Variants in RYR3 observed in about 807,000 individuals in gnomAD.
RYR3 encodes ryanodine receptor 3, also known as brain ryanodine receptor-calcium release channel.
RYR3 carries 207 observed loss-of-function variants against 584.3 expected under a neutral mutation model. That is an observed-to-expected ratio of 0.35 (90% confidence interval 0.32 to 0.40). The LOEUF (loss-of-function observed/expected upper bound fraction) is 0.40. RYR3 is among the 10% of genes least tolerant of loss of function. RYR3 has a pLI of 1.00. For missense variants in RYR3, 5,616 were observed against 6,089.2 expected, an observed-to-expected ratio of 0.92 and a Z score of 2.59; for synonymous variants, 2,416 against 2,248.5, an observed-to-expected ratio of 1.07 and a Z score of -2.11.
chr15:33,654,228 T>C (rs1344633799), intron 32 of RYR3, among the ~76,000 whole-genome samples: 1 of 152,122 alleles, frequency 6.6e-6, no homozygotes, highest in Non-Finnish European at 1.5e-5. Context: ...AAAGCGTTTT[T>C]ACGGGCCAGG....
chr15:33,807,776 C>T, intron 70 of RYR3: 1 of 598,996 alleles, frequency 1.7e-6, no homozygotes, highest in Non-Finnish European at 3.0e-6. Context: ...GCCGGGGAAG[C>T]CAGCCAAGCC....
chr15:33,355,684 A>G (rs1335000415), intron 1 of RYR3, among the ~76,000 whole-genome samples: 3 of 152,152 alleles, frequency 2.0e-5, no homozygotes, highest in Admixed American at 2.0e-4. Context: ...TGTTGCTTCC[A>G]TTGTAGCTGA....
At chr15:33,643,782 T>C (rs2061957229) in intron 27 of RYR3, among the ~76,000 whole-genome samples, 1 of 152,220 alleles carries the variant, frequency 6.6e-6, no homozygotes, top group Non-Finnish European at 1.5e-5. Flanking sequence ...GTATACAACG[T>C]GATGTTATGA....
intron 93 of RYR3, chr15:33,847,350 G>T (rs537145386): frequency 3.7e-4 from 56 of 152,278 alleles, no homozygotes; most frequent in African/African-American, 1.2e-3. Context: ...AAGCGATGTG[G>T]GGTACATGCA....
In RYR3 at chr15:33,860,629, C is replaced by G. The variant is rs1400302643; in HGVS notation, c.14334C>G (p.Asp4778Glu). Residue 4778 changes from aspartate to glutamate, a missense_variant, in exon 101 of 104, where the codon GAC becomes GAG. Physicochemically the swap from Asp to Glu is conservative, Grantham distance 45 (BLOSUM62 2). Transcript: ENST00000634891. ...TTGATGCTTTCGGAGAGCTAAGAGA[C>G]CAGCAGGAACAAGTACGAGAAGATA... ...LIIDAFGELR[D>E]QQEQVREDME... is the part of the protein sequence containing the mutation. 3 of 1,594,458 alleles carry G rather than the reference C, an allele frequency of 1.9e-6. No individual in the cohort carries two copies.
chr15:33,771,397 G>A (rs971538228), intron 62 of RYR3, among the ~76,000 whole-genome samples: 9 of 151,860 alleles, frequency 5.9e-5, no homozygotes, highest in Non-Finnish European at 1.2e-4. Context: ...AGCTGGGCGT[G>A]GTGGCGGGTG....
intron 1 of RYR3, among the ~76,000 whole-genome samples, chr15:33,466,615 A>G (rs1017710282): frequency 6.6e-6 from 1 of 152,214 alleles, no homozygotes; most frequent in African/African-American, 2.4e-5. Flanking sequence ...TTCTCCTTCA[A>G]TCTGTTAACC....
chr15:33,610,033 A>C (rs999490855), intron 18 of RYR3, among the ~76,000 whole-genome samples: 1 of 152,184 alleles, frequency 6.6e-6, no homozygotes, highest in African/African-American at 2.4e-5. Context: ...AGTTATAAAA[A>C]CAGAGTCTAA....
chr15:33,642,706 C>T (rs1039584102), intron 27 of RYR3, among the ~76,000 whole-genome samples: 20 of 152,204 alleles, frequency 1.3e-4, no homozygotes, highest in African/African-American at 4.8e-4. Context: ...ATGGTTTCAT[C>T]CATCGCAGCC....
intron 48 of RYR3, among the ~76,000 whole-genome samples, chr15:33,732,537 C>T (rs556211097): frequency 6.6e-6 from 1 of 152,244 alleles, no homozygotes; most frequent in East Asian, 1.9e-4. Flanking sequence ...AAGGTAAAGT[C>T]ACCCCAAGAG....
intron 53 of RYR3, 93 bp downstream of exon 53, chr15:33,746,250 C>T (rs1054153285): frequency 4.0e-5 from 35 of 868,312 alleles, no homozygotes; most frequent in East Asian, 3.2e-4. Flanking sequence ...TTCACTCTCA[C>T]GTCCCTACAA....
At chr15:33,665,182 A>G (rs1336477058) in intron 36 of RYR3, among the ~76,000 whole-genome samples, 2 of 152,216 alleles carry the variant, frequency 1.3e-5, no homozygotes, top group African/African-American at 4.8e-5. Flanking sequence ...AACAGAAGAT[A>G]CAATGACATG....
At chr15:33,579,879 G>T in intron 12 of RYR3, 97 bp from the exon 13 acceptor site, 2 of 846,694 alleles carry the variant, frequency 2.4e-6, no homozygotes, top group South Asian at 5.8e-5. Flanking sequence ...AACTCATGGT[G>T]CACCGTGGGG....
chr15:33,589,885 T>C (rs963120169), intron 16 of RYR3, among the ~76,000 whole-genome samples: 15 of 152,164 alleles, frequency 9.9e-5, no homozygotes, highest in African/African-American at 3.6e-4. Context: ...TAATTTGAGG[T>C]CAAGTAATTG....
intron 1 of RYR3, among the ~76,000 whole-genome samples, chr15:33,422,132 T>C (rs2044282110): frequency 6.6e-6 from 1 of 152,196 alleles, no homozygotes; most frequent in Non-Finnish European, 1.5e-5. Flanking sequence ...TTCCTCAGGT[T>C]CCAGTTTGTG....
intron 9 of RYR3, 69 bp from the exon 10 acceptor site, chr15:33,550,091 C>T (rs1224479486): frequency 8.8e-6 from 13 of 1,483,466 alleles, no homozygotes; most frequent in African/African-American, 1.4e-5. Context: ...TGTAAGAAAG[C>T]ATAGGATAAA....
At chr15:33,547,841 T>C (rs548046031) in intron 8 of RYR3, among the ~76,000 whole-genome samples, 19 of 152,336 alleles carry the variant, frequency 1.2e-4, no homozygotes, top group East Asian at 3.9e-4. Context: ...ACTCCTGATA[T>C]AGAAATGGAG....
intron 1 of RYR3, among the ~76,000 whole-genome samples, chr15:33,385,546 A>G (rs2041530804): frequency 6.6e-6 from 1 of 152,152 alleles, no homozygotes; most frequent in Admixed American, 6.5e-5. Context: ...AAACAAACAA[A>G]CAAAAACCTC....
chr15:33,469,840 T>G (rs918386934), intron 1 of RYR3, among the ~76,000 whole-genome samples: 2 of 152,122 alleles, frequency 1.3e-5, no homozygotes, highest in Non-Finnish European at 2.9e-5. Context: ...GAGCAGTCCC[T>G]TATATTTAGG....
Sources: gnomAD v4.1 joint callset for allele counts (sites outside exome capture counted in the v4.1 genomes callset) on GRCh38, gnomAD v4.1.1 for gene constraint, MANE v1.5 for transcripts, NCBI Gene and HGNC (gene_info 2026-07-23, HGNC 2026-07-21) for gene names.